NUP50: variants seen among roughly 807,000 people sequenced by gnomAD.
The protein encoded by NUP50 is nuclear pore complex protein Nup50.
Under a neutral mutation model 36.8 loss-of-function variants are expected in NUP50, and 14 were observed. That is an observed-to-expected ratio of 0.38 (90% CI 0.25 to 0.59). NUP50 has a LOEUF of 0.59. NUP50 is among the 20% of genes least tolerant of loss of function. The pLI is 0.63. For synonymous variants in NUP50, 195 were observed against 210.8 expected, an observed-to-expected ratio of 0.93 and a Z score of 0.65; for missense variants, 455 against 564.6, an observed-to-expected ratio of 0.81 and a Z score of 1.97.
chr22:45,186,039 G>A lies in NUP50; in HGVS notation c.*1384G>A, dbSNP rs771360388. On this transcript the variant is annotated 3_prime_UTR_variant, in exon 8 of 8. Transcript: ENST00000347635. ...GGTACAGTGGCTTTTTAAAACTACA[G>A]TCTTTAGGTGTAAGGTTTGGCGCCG... 22 of 152,222 alleles carry A rather than the reference G, an allele frequency of 1.4e-4. No homozygotes were observed. The highest frequency in any genetic ancestry group is 1.2e-3 in the Admixed American group (19 of 15,286). 9.4% of individuals were successfully genotyped at this position (152,222 alleles called of 1,614,324 possible).
At chr22:45,182,631 T>TTTTTG (rs1555894559) in intron 6 of NUP50, among the ~76,000 whole-genome samples, 5 of 139,186 alleles carry the variant, frequency 3.6e-5, no homozygotes, top group African/African-American at 1.4e-4. Context: ...TTGTTTTTTT[T>TTTTTG]TTTTTTTTTT....
chr22:45,175,756 T>G (rs1214137984), intron 3 of NUP50, 138 bp from the exon 4 acceptor site: 2 of 624,270 alleles, frequency 3.2e-6, no homozygotes, highest in Non-Finnish European at 5.4e-6. Context: ...TATTTCTGCT[T>G]GTGCCAGCAG....
chr22:45,174,374 A>T (rs2074245328), intron 3 of NUP50, among the ~76,000 whole-genome samples: 2 of 151,670 alleles, frequency 1.3e-5, no homozygotes. Flanking sequence ...AGGGGGTCTC[A>T]CTCTGTTGCC....
intron 5 of NUP50, chr22:45,180,083 T>C (rs981682669): frequency 6.6e-6 from 1 of 152,242 alleles, no homozygotes; most frequent in Admixed American, 6.5e-5. Flanking sequence ...TCTCCCCTTT[T>C]CTTTCTTCTC....
Position 45,181,296 on chromosome 22 carries a change from A to T in NUP50, c.1014A>T (p.Glu338Asp), listed in dbSNP as rs1307960522. The T allele has an allele frequency of 6.3e-7, 1 of 1,591,960 alleles. No homozygotes were observed. The change falls in exon 6 of 8, where the codon GAA becomes GAT. Residue 338 changes from glutamate to aspartate, a missense_variant. Transcript: ENST00000347635. ...TCATTTTTATAAAAGGTGGAGATGAAGAAGAGAATGATGAGCCACCCAAAG... is the reference window on the plus strand; with the variant it reads ...TCATTTTTATAAAAGGTGGAGATGATGAAGAGAATGATGAGCCACCCAAAG... ...GDSGECKGGD[E>D]EENDEPPKVV...
intron 1 of NUP50, among the ~76,000 whole-genome samples, chr22:45,166,821 C>T (rs887827586): frequency 6.6e-6 from 1 of 151,958 alleles, no homozygotes; most frequent in Non-Finnish European, 1.5e-5. Flanking sequence ...AGAGAGGGTT[C>T]CCAGCGAATG....
chr22:45,165,661 T>C (rs2074084321), intron 1 of NUP50, among the ~76,000 whole-genome samples: 1 of 152,230 alleles, frequency 6.6e-6, no homozygotes, highest in Non-Finnish European at 1.5e-5. Context: ...TGGTAAAATA[T>C]TTGTAAAAAT....
chr22:45,167,566 C>A lies in NUP50; in HGVS notation c.-10-602C>A, dbSNP rs563652980. Among the ~76,000 whole-genome samples, 16 of 152,278 alleles carry A rather than the reference C, an allele frequency of 1.1e-4. 1 individual carries two copies. Among genetic ancestry groups the A allele is most frequent in the Middle Eastern group, 3.4e-3 (1 of 294 alleles). ...AGAATACTAACACACCCATGTTAAT[C>A]ATTTTGGACTTCTAATTGTCTTGGC... On this transcript the variant is annotated intron_variant, in intron 1 of 7. Coordinates refer to ENST00000347635, the MANE Select transcript of NUP50 (RefSeq NM_007172.4).
chr22:45,164,951 A>G (rs1601762261), intron 1 of NUP50: 1 of 152,192 alleles, frequency 6.6e-6, no homozygotes. Flanking sequence ...CAGCTTGGAG[A>G]TTAGGTATTT....
intron 1 of NUP50, chr22:45,166,209 C>T (rs2074091521): frequency 1.3e-5 from 2 of 151,284 alleles, no homozygotes; most frequent in Admixed American, 1.3e-4. Context: ...TTAGAAGTTA[C>T]AATTTTACTA....
chr22:45,171,870 G>A (rs2074200374), intron 3 of NUP50, 187 bp downstream of exon 3: 1 of 526,228 alleles, frequency 1.9e-6, no homozygotes, highest in Non-Finnish European at 3.4e-6. Flanking sequence ...AGCTTATCCA[G>A]TTGAGGAAAT....
At position 45,187,784 on chromosome 22, in the gene NUP50, C is replaced by G. The variant is rs576928056; in HGVS notation, c.*3129C>G. 2 of 152,470 alleles carry G rather than the reference C, an allele frequency of 1.3e-5. No homozygotes were observed. The highest frequency in any genetic ancestry group is 4.8e-5 in the African/African-American group (2 of 41,412). The allele number at this position is 152,470 out of a possible 1,614,324, so 9.4% of individuals were successfully genotyped here. The stretch of plus-strand genomic sequence containing the variant: ...CAGCCAGTAACAATCATACTGAGGA[C>G]GAAGGACTCTCCGTTTGATGCAGAC... On this transcript the variant is annotated 3_prime_UTR_variant, in exon 8 of 8. Coordinates refer to ENST00000347635, the MANE Select transcript of NUP50 (RefSeq NM_007172.4).
rs1164842494 is a variant in NUP50, at chr22:45,172,042, G to A, written c.153+359G>A. The A allele has an allele frequency of 2.4e-5, 5 of 209,220 alleles. No homozygotes were observed. The East Asian group carries it at 5.2e-4, about 22-fold the overall frequency. 13.0% of individuals were successfully genotyped at this position (209,220 alleles called of 1,614,324 possible). On this transcript the variant is annotated intron_variant, in intron 3 of 7. Coordinates refer to ENST00000347635, the MANE Select transcript of NUP50 (RefSeq NM_007172.4). ...CTCCCTGCGATTGAGGCCTTGGTAG[G>A]GGGAGCCCTTTCACTATACTAGAGG...
chr22:45,178,991 G>A (rs750526481), intron 5 of NUP50, 91 bp downstream of exon 5: 63 of 1,231,496 alleles, frequency 5.1e-5, no homozygotes, highest in Non-Finnish European at 7.0e-5. Flanking sequence ...TATGAGTCTG[G>A]ATTCACATTG....
intron 3 of NUP50, among the ~76,000 whole-genome samples, chr22:45,173,933 A>G (rs1354281615): frequency 2.0e-5 from 3 of 152,224 alleles, no homozygotes; most frequent in Non-Finnish European, 4.4e-5. Flanking sequence ...GGACAATTAA[A>G]TGTCATGTCA....
intron 7 of NUP50, 124 bp from the exon 8 acceptor site, chr22:45,184,329 C>T (rs2074433657): frequency 1.1e-6 from 1 of 875,332 alleles, no homozygotes; most frequent in Non-Finnish European, 1.8e-6. Context: ...TTTGTGCTGT[C>T]CTGTTGGCTC....
intron 2 of NUP50, 93 bp from the exon 3 acceptor site, chr22:45,171,507 A>T: frequency 8.4e-7 from 1 of 1,185,952 alleles, no homozygotes; most frequent in South Asian, 1.2e-5. Context: ...GAGGCCGGAC[A>T]CAGTGGCTCA....
chr22:45,183,740 TTG>T (rs1298150475), intron 7 of NUP50: 8 of 480,818 alleles, frequency 1.7e-5, no homozygotes, highest in Admixed American at 1.4e-4. Context: ...TCATTTTCCT[TTG>T]TGTTAGAAAT....
At chr22:45,171,765 G>A in intron 3 of NUP50, 82 bp downstream of exon 3, 2 of 1,063,328 alleles carry the variant, frequency 1.9e-6, no homozygotes, top group South Asian at 2.5e-5. Context: ...TGGGAGCAAT[G>A]ATATCAACAA....
Sources: allele counts gnomAD v4.1 joint callset (sites outside exome capture counted in the v4.1 genomes callset), GRCh38; gene constraint gnomAD v4.1.1; transcripts MANE v1.5; gene names NCBI Gene and HGNC (gene_info 2026-07-23, HGNC 2026-07-21).